The following NRXN3 variants were observed in gnomAD, a reference collection of about 807,000 sequenced individuals.
NRXN3 encodes neurexin III.
A neutral mutation model predicts 137.6 loss-of-function variants in NRXN3; 32 were observed. That is an observed-to-expected ratio of 0.23 (90% CI 0.18 to 0.31). NRXN3 has a LOEUF of 0.31. Among genes scored for constraint, NRXN3 ranks in the 10% least tolerant of loss-of-function variants. The pLI, the probability that NRXN3 is intolerant of heterozygous loss-of-function variation, is 1.00. For missense variants in NRXN3, 1,574 were observed against 2,062.5 expected, an observed-to-expected ratio of 0.76 and a Z score of 4.59; for synonymous variants, 798 against 784.5, an observed-to-expected ratio of 1.02 and a Z score of -0.29.
intron 15 of NRXN3, among the ~76,000 whole-genome samples, chr14:79,365,923 T>C (rs1170489952): frequency 6.6e-6 from 1 of 151,968 alleles, no homozygotes; most frequent in Non-Finnish European, 1.5e-5. Flanking sequence ...CGCTTTCTGA[T>C]TGCAGAGATA....
chr14:78,986,677 G>A (rs2099506309), intron 14 of NRXN3, among the ~76,000 whole-genome samples: 2 of 151,886 alleles, frequency 1.3e-5, no homozygotes, highest in Admixed American at 6.6e-5. Context: ...TCTTTCTATA[G>A]CACAAATGAT....
At chr14:79,048,799 C>T (rs1200293951) in intron 15 of NRXN3, among the ~76,000 whole-genome samples, 2 of 149,212 alleles carry the variant, frequency 1.3e-5, no homozygotes, top group African/African-American at 2.5e-5. Context: ...CCGAGACGGG[C>T]GGATCACGAG....
intron 4 of NRXN3, among the ~76,000 whole-genome samples, chr14:78,380,079 T>C (rs886446401): frequency 2.6e-5 from 4 of 152,014 alleles, no homozygotes; most frequent in African/African-American, 9.6e-5. Context: ...AGAAATAAAA[T>C]CTAAAAGAAA....
chr14:79,762,811 T>C (rs1192634871), intron 19 of NRXN3, among the ~76,000 whole-genome samples: 3 of 151,732 alleles, frequency 2.0e-5, no homozygotes, highest in African/African-American at 2.4e-5. Flanking sequence ...GGCAAAGTGA[T>C]AGTATCATAC....
At chr14:79,719,402 G>GTATATATATATGTGTGTGTGTA (rs2098836138) in intron 19 of NRXN3, among the ~76,000 whole-genome samples, 1 of 142,280 alleles carries the variant, frequency 7.0e-6, no homozygotes, top group Non-Finnish European at 1.5e-5. Flanking sequence ...ATATATGTGT[G>GTATATATATATGTGTGTGTGTA]TATATATATA....
At chr14:79,235,558 A>C (rs1286765058) in intron 15 of NRXN3, among the ~76,000 whole-genome samples, 2 of 152,164 alleles carry the variant, frequency 1.3e-5, no homozygotes, top group Non-Finnish European at 2.9e-5. Context: ...TCAGTCTTGC[A>C]TTCTTGCACT....
intron 15 of NRXN3, among the ~76,000 whole-genome samples, chr14:79,322,904 T>G (rs1047201403): frequency 1.3e-5 from 2 of 152,208 alleles, no homozygotes; most frequent in African/African-American, 4.8e-5. Context: ...TAAGAAAACA[T>G]GAAGACAAAG....
intron 16 of NRXN3, among the ~76,000 whole-genome samples, chr14:79,474,151 G>A (rs2096539304): frequency 6.6e-6 from 1 of 152,146 alleles, no homozygotes; most frequent in South Asian, 2.1e-4. Flanking sequence ...TTCTGTCAGT[G>A]AGCTATGTGA....
intron 15 of NRXN3, among the ~76,000 whole-genome samples, chr14:79,427,528 A>G (rs1454819035): frequency 1.3e-5 from 2 of 152,152 alleles, no homozygotes. Context: ...GTAAAAAATT[A>G]AAGTCTGGAC....
chr14:79,326,580 C>T (rs1178507197), intron 15 of NRXN3, among the ~76,000 whole-genome samples: 1 of 152,142 alleles, frequency 6.6e-6, no homozygotes. Context: ...GGACATGACA[C>T]TTGAAATAAC....
intron 6 of NRXN3, among the ~76,000 whole-genome samples, chr14:78,671,564 G>C (rs1362470729): frequency 1.3e-5 from 2 of 151,874 alleles, no homozygotes; most frequent in Non-Finnish European, 2.9e-5. Context: ...AAAGTTAAAA[G>C]TATAAAAATA....
chr14:79,689,755 A>T (rs2098709337), intron 17 of NRXN3, among the ~76,000 whole-genome samples: 1 of 151,716 alleles, frequency 6.6e-6, no homozygotes, highest in African/African-American at 2.4e-5. Context: ...CCCCCAGATT[A>T]TTTTCTATGG....
intron 16 of NRXN3, among the ~76,000 whole-genome samples, chr14:79,488,402 A>G (rs2096677853): frequency 6.6e-6 from 1 of 152,172 alleles, no homozygotes; most frequent in South Asian, 2.1e-4. Context: ...CTTCCAAGGT[A>G]GTAGGGTGGC....
intron 19 of NRXN3, among the ~76,000 whole-genome samples, chr14:79,709,941 G>C (rs1410408091): frequency 1.3e-5 from 2 of 151,978 alleles, no homozygotes; most frequent in Non-Finnish European, 2.9e-5. Context: ...GCAAGGGGGA[G>C]GGGATGACAT....
intron 15 of NRXN3, among the ~76,000 whole-genome samples, chr14:79,055,407 A>G (rs909838397): frequency 7.2e-5 from 11 of 152,204 alleles, no homozygotes; most frequent in African/African-American, 2.7e-4. Context: ...AGTTAAAATA[A>G]TCTCGGCTTG....
intron 15 of NRXN3, among the ~76,000 whole-genome samples, chr14:79,184,393 C>T (rs1398644107): frequency 2.0e-5 from 3 of 152,114 alleles, no homozygotes; most frequent in Non-Finnish European, 4.4e-5. Flanking sequence ...TGGATAGTAC[C>T]TTCAGGTTTC....
chr14:79,474,217 G>A (rs543456294), intron 16 of NRXN3, among the ~76,000 whole-genome samples: 2 of 152,146 alleles, frequency 1.3e-5, no homozygotes, highest in East Asian at 3.9e-4. Context: ...TTATAAATGG[G>A]CATAAAATAT....
chr14:79,679,315 T>C (rs1188611527), intron 17 of NRXN3, among the ~76,000 whole-genome samples: 1 of 152,184 alleles, frequency 6.6e-6, no homozygotes, highest in Non-Finnish European at 1.5e-5. Context: ...ATTCAATGAA[T>C]ATCTTTACAC....
intron 4 of NRXN3, among the ~76,000 whole-genome samples, chr14:78,327,205 A>T (rs1459535239): frequency 6.6e-6 from 1 of 152,220 alleles, no homozygotes. Context: ...TGAAGTGCAA[A>T]GGCAACAAAG....
Sources: allele counts gnomAD v4.1 joint callset (sites outside exome capture counted in the v4.1 genomes callset), GRCh38; gene constraint gnomAD v4.1.1; transcripts MANE v1.5; gene names NCBI Gene and HGNC (gene_info 2026-07-23, HGNC 2026-07-21).